Variants in DCC observed in about 807,000 individuals in gnomAD.
DCC encodes the protein DCC netrin 1 receptor, also known as netrin receptor DCC.
A neutral mutation model predicts 172.5 loss-of-function variants in DCC; 58 were observed. The observed-to-expected ratio is 0.34, with a 90% CI of 0.27 to 0.42. The LOEUF (loss-of-function observed/expected upper bound fraction) is 0.42. Ranked by LOEUF, DCC falls within the 10% of genes least tolerant of loss-of-function variation. The probability of loss-of-function intolerance (pLI) is 1.00; values close to 1 mark genes in which losing one functional copy is unlikely to be tolerated. For synonymous variants in DCC, 709 were observed against 644.5 expected (o/e 1.10, Z -1.52); for missense variants, 1,740 against 1,791.0 (o/e 0.97, Z 0.51).
At chr18:53,026,652 C>T (rs1376430820) in intron 5 of DCC, among the ~76,000 whole-genome samples, 1 of 152,116 alleles carries the variant, frequency 6.6e-6, no homozygotes, top group African/African-American at 2.4e-5. Context: ...AACTTCTGGG[C>T]TCAAGCGAGC....
intron 1 of DCC, among the ~76,000 whole-genome samples, chr18:52,482,663 G>T (rs1333302683): frequency 1.3e-5 from 2 of 152,104 alleles, no homozygotes; most frequent in African/African-American, 2.4e-5. Flanking sequence ...CCTCTCAAAA[G>T]CTCTACCTCT....
rs567280041 is a variant in DCC at position 53,338,142 on chromosome 18, C to A, written c.2165-1571C>A. ...TTACATGTGCTTGTATTTAGCCAAT[C>A]AAAATATTTACCATAATCTATCGTA... is the stretch of plus-strand genomic sequence containing the variant. On this transcript the variant is annotated intron_variant, in intron 14 of 28. Coordinates refer to ENST00000442544, the MANE Select transcript of DCC (RefSeq NM_005215.4). 3.9e-5 allele frequency among the ~76,000 whole-genome samples: 6 copies of A among 152,288 alleles called. No homozygotes were observed. The South Asian group carries it at 1.2e-3, about 32-fold the overall frequency.
chr18:53,001,328 T>C (rs2041561771), intron 5 of DCC, among the ~76,000 whole-genome samples: 1 of 152,090 alleles, frequency 6.6e-6, no homozygotes, highest in Non-Finnish European at 1.5e-5. Flanking sequence ...TTTAAGAATA[T>C]AAAGGAGTTG....
chr18:53,518,850 C>T (rs2046368288), intron 27 of DCC, among the ~76,000 whole-genome samples: 3 of 152,104 alleles, frequency 2.0e-5, no homozygotes, highest in Admixed American at 2.0e-4. Context: ...AGCCATGGAT[C>T]ATTTAACCTC....
At chr18:52,478,288 C>G (rs1337020334) in intron 1 of DCC, among the ~76,000 whole-genome samples, 1 of 152,148 alleles carries the variant, frequency 6.6e-6, no homozygotes, top group East Asian at 1.9e-4. Flanking sequence ...CCTCTCATAT[C>G]AAATGTGTCT....
intron 2 of DCC, among the ~76,000 whole-genome samples, chr18:52,904,380 T>A (rs1729501573): frequency 6.6e-6 from 1 of 152,154 alleles, no homozygotes; most frequent in African/African-American, 2.4e-5. Flanking sequence ...GGTCCAAAAC[T>A]CTAATCCCTA....
intron 1 of DCC, among the ~76,000 whole-genome samples, chr18:52,394,293 G>T (rs1986136267): frequency 6.6e-6 from 1 of 151,896 alleles, no homozygotes; most frequent in South Asian, 2.1e-4. Flanking sequence ...TTGAGACAGG[G>T]TCTCACTCTG....
chr18:52,970,897 C>T (rs1322403950), intron 5 of DCC, among the ~76,000 whole-genome samples: 2 of 152,140 alleles, frequency 1.3e-5, no homozygotes, highest in East Asian at 1.9e-4. Context: ...CAGGGCATTT[C>T]GTCTAAGCAG....
At chr18:52,486,921 T>C (rs1224555434) in intron 1 of DCC, among the ~76,000 whole-genome samples, 1 of 152,166 alleles carries the variant, frequency 6.6e-6, no homozygotes, top group East Asian at 1.9e-4. Flanking sequence ...ATGAGACATA[T>C]GCTATTGTTC....
At chr18:52,345,968 A>C (rs1315281042) in intron 1 of DCC, among the ~76,000 whole-genome samples, 1 of 152,212 alleles carries the variant, frequency 6.6e-6, no homozygotes, top group Non-Finnish European at 1.5e-5. Flanking sequence ...TTTTTCCCCA[A>C]AATGGTGTTA....
At chr18:53,015,498 C>T (rs909950446) in intron 5 of DCC, among the ~76,000 whole-genome samples, 1 of 151,960 alleles carries the variant, frequency 6.6e-6, no homozygotes, top group Admixed American at 6.6e-5. Flanking sequence ...CTTTAGATGC[C>T]CCTTATGTGA....
chr18:52,697,376 C>T (rs981062112), intron 1 of DCC, among the ~76,000 whole-genome samples: 2 of 152,084 alleles, frequency 1.3e-5, no homozygotes, highest in Admixed American at 6.6e-5. Flanking sequence ...TTCATGGCAG[C>T]GATATGGGAT....
At chr18:53,291,202 A>G (rs1282488190) in intron 12 of DCC, among the ~76,000 whole-genome samples, 1 of 152,060 alleles carries the variant, frequency 6.6e-6, no homozygotes, top group African/African-American at 2.4e-5. Flanking sequence ...GGAGTATAAG[A>G]TATTGTAAAA....
At chr18:53,175,720 A>G (rs1482527639) in intron 8 of DCC, among the ~76,000 whole-genome samples, 1 of 152,178 alleles carries the variant, frequency 6.6e-6, no homozygotes, top group Non-Finnish European at 1.5e-5. Flanking sequence ...CATGGGTAGG[A>G]GGAATCAATA....
intron 5 of DCC, among the ~76,000 whole-genome samples, chr18:52,940,381 C>G (rs1439064138): frequency 6.6e-6 from 1 of 152,134 alleles, no homozygotes; most frequent in African/African-American, 2.4e-5. Context: ...GTCTCGACCA[C>G]TTTCACTCAA....
chr18:52,354,647 A>G (rs1984280607), intron 1 of DCC, among the ~76,000 whole-genome samples: 1 of 152,214 alleles, frequency 6.6e-6, no homozygotes, highest in Admixed American at 6.5e-5. Context: ...TGCTGAATGC[A>G]TATTAATTAT....
At chr18:53,049,565 C>A (rs1037260837) in intron 5 of DCC, among the ~76,000 whole-genome samples, 3 of 152,046 alleles carry the variant, frequency 2.0e-5, no homozygotes, top group Non-Finnish European at 4.4e-5. Flanking sequence ...GTACCAGTAC[C>A]ATGCTGCTGT....
At chr18:53,302,640 C>A (rs2057154822) in intron 12 of DCC, among the ~76,000 whole-genome samples, 1 of 152,072 alleles carries the variant, frequency 6.6e-6, no homozygotes, top group Non-Finnish European at 1.5e-5. Context: ...ATCTTAGAAA[C>A]CATGTATATC....
chr18:53,435,166 T>C lies in DCC; in HGVS notation c.3186T>C (p.Tyr1062=). 3 of 1,611,576 alleles carry C rather than the reference T, an allele frequency of 1.9e-6. No individual in the cohort carries two copies. The highest frequency in any genetic ancestry group is 2.5e-6 in the Non-Finnish European group (3 of 1,177,768). Residue 1062 remains tyrosine, a synonymous_variant, in exon 22 of 29, where the codon TAT becomes TAC. Transcript: ENST00000442544. ...CAGGTCGTCATGGAGATGGAGGTTA[T>C]TGGCCAGTTGATACTAATTTGATTG... ...NDQGRHGDGG[Y]WPVDTNLIDR...
Sources: allele counts gnomAD v4.1 joint callset (sites outside exome capture counted in the v4.1 genomes callset), GRCh38; gene constraint gnomAD v4.1.1; transcripts MANE v1.5; gene names NCBI Gene and HGNC (gene_info 2026-07-23, HGNC 2026-07-21).